Variants in TRIM55 observed in about 807,000 individuals in gnomAD.
The protein encoded by TRIM55 is tripartite motif-containing protein 55.
A neutral mutation model predicts 60.9 loss-of-function variants in TRIM55; 50 were observed. The observed-to-expected ratio is 0.82, with a 90% CI of 0.65 to 1.04. The LOEUF is 1.04. Ranked by LOEUF, TRIM55 falls within the 50% of genes least tolerant of loss-of-function variation. The probability of loss-of-function intolerance (pLI) is 0.00; values close to 1 mark genes in which losing one functional copy is unlikely to be tolerated. For synonymous variants in TRIM55, 237 were observed against 238.1 expected, an observed-to-expected ratio of 1.00 and a Z score of 0.04; for missense variants, 681 against 666.9, an observed-to-expected ratio of 1.02 and a Z score of -0.23.
chr8:66,161,436 G>C (rs1043483898), intron 9 of TRIM55, among the ~76,000 whole-genome samples: 1 of 152,050 alleles, frequency 6.6e-6, no homozygotes, highest in Non-Finnish European at 1.5e-5. Flanking sequence ...TGGCCTTCTA[G>C]GATAGTTTGA....
intron 2 of TRIM55, among the ~76,000 whole-genome samples, chr8:66,131,447 T>C (rs1389828626): frequency 1.3e-5 from 2 of 152,232 alleles, no homozygotes; most frequent in African/African-American, 4.8e-5. Flanking sequence ...GATTTTTCAA[T>C]TTTAGACATT....
intron 9 of TRIM55, among the ~76,000 whole-genome samples, chr8:66,173,794 A>C (rs1811770161): frequency 6.6e-6 from 1 of 152,196 alleles, no homozygotes. Flanking sequence ...TTAATCAATA[A>C]ATTCAGAATT....
rs772001322 is a variant in TRIM55, at chr8:66,149,688, A to G, written c.647A>G (p.Asp216Gly). 3.3e-5 allele frequency: 53 copies of G among 1,614,058 alleles called. No homozygotes were observed. The highest frequency in any genetic ancestry group is 4.3e-5 in the Non-Finnish European group (51 of 1,180,004). The stretch of plus-strand genomic sequence containing the variant: ...AAACAAGAGCTTTGTGAGAAGTTTG[A>G]TTACCTGTATGGCATTTTGGAGGAG... ...KQKQELCEKF[D>G]YLYGILEERK... The change falls in exon 5 of 10, where the codon GAT becomes GGT. Residue 216 changes from aspartate (D) to glycine (G), a missense_variant. Physicochemically the swap from Asp to Gly is moderately conservative, Grantham distance 94. Coordinates refer to ENST00000315962, the MANE Select transcript of TRIM55 (RefSeq NM_184085.2).
At chr8:66,152,142 C>T (rs947905862) in intron 7 of TRIM55, among the ~76,000 whole-genome samples, 3 of 152,150 alleles carry the variant, frequency 2.0e-5, no homozygotes, top group Non-Finnish European at 4.4e-5. Flanking sequence ...GAGGTGAAGA[C>T]TTTGTACTGG....
At chr8:66,147,975 A>T (rs1810197257) in intron 4 of TRIM55, among the ~76,000 whole-genome samples, 1 of 152,202 alleles carries the variant, frequency 6.6e-6, no homozygotes, top group Middle Eastern at 3.2e-3. Flanking sequence ...AAAGACTTCA[A>T]TGTTTACCAA....
chr8:66,132,302 A>G (rs767454197), intron 2 of TRIM55, among the ~76,000 whole-genome samples: 1 of 152,168 alleles, frequency 6.6e-6, no homozygotes, highest in Non-Finnish European at 1.5e-5. Context: ...AATACAAAAA[A>G]ATTAGCCAGG....
chr8:66,133,621 T>C (rs1809299643), intron 2 of TRIM55, among the ~76,000 whole-genome samples: 1 of 152,210 alleles, frequency 6.6e-6, no homozygotes, highest in Non-Finnish European at 1.5e-5. Flanking sequence ...GATTCTAAAA[T>C]TTTGAAACTG....
chr8:66,154,315 C>A lies in TRIM55; in HGVS notation c.1505C>A (p.Ala502Glu). ...GCTGTGAGTGGTAAGGAAACTAGTG[C>A]ACCTGCAGCTACTTCTCAGGTTAGT... ...RAAVSGKETS[A>E]PAATSQIGFE... The change falls in exon 9 of 10, where the codon GCA (alanine) becomes GAA (glutamate). Residue 502 changes from alanine to glutamate, a missense_variant. Coordinates refer to ENST00000315962, the MANE Select transcript of TRIM55 (RefSeq NM_184085.2). 6.2e-7 allele frequency: 1 copy of A among 1,614,046 alleles called. No individual in the cohort carries two copies.
intron 7 of TRIM55, among the ~76,000 whole-genome samples, chr8:66,151,857 TA>T (rs1810441779): frequency 9.5e-6 from 1 of 105,464 alleles, no homozygotes; most frequent in African/African-American, 3.7e-5. Context: ...AAATAATAAA[TA>T]AATAAATAAA....
intron 9 of TRIM55, among the ~76,000 whole-genome samples, chr8:66,161,736 G>C (rs972142613): frequency 1.4e-5 from 2 of 147,046 alleles, no homozygotes; most frequent in Non-Finnish European, 3.0e-5. Flanking sequence ...TCATGTCCTT[G>C]GTTAGGTATA....
chr8:66,150,272 A>AT (rs1279779840), intron 6 of TRIM55, 33 bp downstream of exon 6: 1 of 1,613,092 alleles, frequency 6.2e-7, no homozygotes, highest in African/African-American at 1.3e-5. Context: ...AAAAATGCAT[A>AT]TTTTCACCTT....
Position 66,152,512 on chromosome 8 carries a change from A to G in TRIM55, c.1121A>G (p.Glu374Gly). 1.2e-6 allele frequency: 2 copies of G among 1,614,058 alleles called. No homozygotes were observed. The highest frequency in any genetic ancestry group is 1.7e-6 in the Non-Finnish European group (2 of 1,180,016). ...TEFPGEDENP[E>G]KASELSQVEL... Reference sequence around the variant, plus strand: ...TTTCCAGGAGAAGATGAAAACCCAGAAAAAGCTTCAGAGCTCTCTCAGGTG... The same window carrying G: ...TTTCCAGGAGAAGATGAAAACCCAGGAAAAGCTTCAGAGCTCTCTCAGGTG... Residue 374 changes from glutamate (E) to glycine (G), a missense_variant, in exon 8 of 10, where the codon GAA (glutamate) becomes GGA (glycine). By Grantham distance (98) the Glu-to-Gly change is moderately conservative (BLOSUM62 -2). Coordinates refer to ENST00000315962, the MANE Select transcript of TRIM55 (RefSeq NM_184085.2).
chr8:66,138,000 A>G (rs1473270022), intron 4 of TRIM55, among the ~76,000 whole-genome samples: 2 of 152,202 alleles, frequency 1.3e-5, no homozygotes, highest in African/African-American at 2.4e-5. Context: ...GCTCTGGGGC[A>G]GGTGCAAGAC....
intron 4 of TRIM55, among the ~76,000 whole-genome samples, chr8:66,144,688 G>C (rs932143146): frequency 6.6e-6 from 1 of 152,234 alleles, no homozygotes; most frequent in African/African-American, 2.4e-5. Context: ...CCAGAGAAGA[G>C]GGGAGGTGTA....
chr8:66,127,039 ATCC>A, upstream of TRIM55: 1 of 422,946 alleles, frequency 2.4e-6, no homozygotes, highest in Non-Finnish European at 4.2e-6. Context: ...GTCAGGATCC[ATCC>A]TCCTGTCACT....
chr8:66,127,227 G>T lies in TRIM55; in HGVS notation c.-42G>T. ...CAGGAAACACTTGCTGGAGCCACTC[G>T]CAGCACCCTTCCCTGGCAGCACACT... is the stretch of plus-strand genomic sequence containing the variant. On this transcript the variant is annotated 5_prime_UTR_variant, in exon 1 of 10. Coordinates refer to ENST00000315962, the MANE Select transcript of TRIM55 (RefSeq NM_184085.2). The T allele has an allele frequency of 1.3e-6, 2 of 1,586,804 alleles. No homozygotes were observed. Among genetic ancestry groups the T allele is most frequent in the Non-Finnish European group, 1.7e-6 (2 of 1,162,102 alleles).
At chr8:66,118,274 A>G in the TRIM55 span, among the ~76,000 whole-genome samples, 1 of 151,474 alleles carries the variant, frequency 6.6e-6, no homozygotes, top group African/African-American at 2.4e-5. Context: ...TAAAATTTAT[A>G]AACAACAGAT....
At chr8:66,122,203 G>A (rs1347239021), upstream of TRIM55, among the ~76,000 whole-genome samples, 1 of 152,156 alleles carries the variant, frequency 6.6e-6, no homozygotes, top group Admixed American at 6.5e-5. Flanking sequence ...AGTCAAGCTG[G>A]GAACTGTTTA....
chr8:66,156,613 C>A (rs1052933691), intron 9 of TRIM55, among the ~76,000 whole-genome samples: 1 of 152,082 alleles, frequency 6.6e-6, no homozygotes, highest in African/African-American at 2.4e-5. Context: ...GCCTGAGACC[C>A]AACTCCTTGT....
Sources: allele counts gnomAD v4.1 joint callset (sites outside exome capture counted in the v4.1 genomes callset), GRCh38; gene constraint gnomAD v4.1.1; transcripts MANE v1.5; gene names NCBI Gene and HGNC (gene_info 2026-07-23, HGNC 2026-07-21).